Variants in ALX4 observed in about 807,000 individuals in gnomAD.
The protein encoded by ALX4 is ALX homeobox 4, also known as homeobox protein aristaless-like 4.
Under a neutral mutation model 40.6 loss-of-function variants are expected in ALX4, and 22 were observed. That is an observed-to-expected ratio of 0.54 (90% CI 0.39 to 0.77). The LOEUF (loss-of-function observed/expected upper bound fraction) is 0.77, where lower values mean the gene tolerates loss of function less well. Among genes scored for constraint, ALX4 ranks in the 30% least tolerant of loss-of-function variants. The pLI is 0.00. For missense variants in ALX4, 556 were observed against 564.8 expected (o/e 0.98, Z 0.16); for synonymous variants, 266 against 240.5 (o/e 1.11, Z -0.98).
chr11:44,282,551 A>T (rs72907814), intron 1 of ALX4, among the ~76,000 whole-genome samples: 9,945 of 152,298 alleles, frequency 0.065, 443 homozygotes, highest in Non-Finnish European at 0.098. Context: ...TCTATTCAGA[A>T]TCACCCCGAA....
At chr11:44,308,881 A>G (rs1324186624) in intron 1 of ALX4, among the ~76,000 whole-genome samples, 3 of 152,228 alleles carry the variant, frequency 2.0e-5, no homozygotes, top group Non-Finnish European at 4.4e-5. Flanking sequence ...CCGAGGGAGA[A>G]GCTCCAGGGG....
At chr11:44,298,315 GGTGTGC>G (rs1956415399) in intron 1 of ALX4, among the ~76,000 whole-genome samples, 1 of 152,160 alleles carries the variant, frequency 6.6e-6, no homozygotes, top group Non-Finnish European at 1.5e-5. Flanking sequence ...CGGAATCATG[GGTGTGC>G]TGGGAAGAGC....
chr11:44,265,190 G>A lies in ALX4; in HGVS notation c.907-7C>T, dbSNP rs1369622591. ...GCCAGGACGGGTTCTGAATCTGGGA[G>A]AGGAAGGGAGAGATGTCACCGGCTG... On this transcript the variant is annotated splice_region_variant and splice_polypyrimidine_tract_variant and intron_variant, in intron 3 of 3. Coordinates refer to ENST00000652299, the MANE Select transcript of ALX4 (RefSeq NM_021926.4). The A allele has an allele frequency of 6.3e-7, 1 of 1,595,238 alleles. No homozygotes were observed. The highest frequency in any genetic ancestry group is 8.6e-7 in the Non-Finnish European group (1 of 1,169,526).
At chr11:44,299,429 C>T (rs560783581) in intron 1 of ALX4, among the ~76,000 whole-genome samples, 4 of 142,514 alleles carry the variant, frequency 2.8e-5, no homozygotes, top group African/African-American at 7.9e-5. Context: ...GGCAGGATCT[C>T]GGCTCACTGC....
Position 44,264,639 on chromosome 11 carries a change from A to T in ALX4, c.*215T>A. On this transcript the variant is annotated 3_prime_UTR_variant, in exon 4 of 4. Coordinates refer to ENST00000652299, the MANE Select transcript of ALX4 (RefSeq NM_021926.4). ...CTGCCTGTGGCCGGGAGCAGGGGTC[A>T]GGGCCTCAGTGCCAGGGAGGGGCCA... The T allele has an allele frequency of 1.6e-6, 1 of 606,088 alleles. No individual in the cohort carries two copies. The highest frequency in any genetic ancestry group is 2.9e-6 in the Non-Finnish European group (1 of 344,666). 37.5% of individuals were successfully genotyped at this position (606,088 alleles called of 1,614,324 possible).
At chr11:44,290,347 C>T (rs1234185941) in intron 1 of ALX4, among the ~76,000 whole-genome samples, 3 of 152,352 alleles carry the variant, frequency 2.0e-5, no homozygotes, top group African/African-American at 7.2e-5. Context: ...GGGCTTGGCC[C>T]CTGGCTCTGC....
chr11:44,265,508 C>T (rs1237400825), intron 3 of ALX4, among the ~76,000 whole-genome samples: 3 of 152,142 alleles, frequency 2.0e-5, no homozygotes, highest in South Asian at 2.1e-4. Context: ...GTAGACTTGG[C>T]CTCCATCTGC....
In ALX4 at chr11:44,276,646, C is replaced by T. The variant is rs557609461; in HGVS notation, c.467-988G>A. Among the ~76,000 whole-genome samples the T allele has an allele frequency of 7.2e-5, 11 of 152,342 alleles. No individual in the cohort carries two copies. In the Middle Eastern group the frequency reaches 0.017, roughly 236 times the overall value. ...CCTCCTGGCAGAGGGTTTGGGACAACAGTCCCTACCTTTTTGGCACCAGGG... is the reference window on the plus strand; with the variant it reads ...CCTCCTGGCAGAGGGTTTGGGACAATAGTCCCTACCTTTTTGGCACCAGGG... On this transcript the variant is annotated intron_variant, in intron 1 of 3. Coordinates refer to ENST00000652299, the MANE Select transcript of ALX4 (RefSeq NM_021926.4).
intron 1 of ALX4, among the ~76,000 whole-genome samples, chr11:44,301,752 C>T (rs1169375133): frequency 6.6e-6 from 1 of 152,192 alleles, no homozygotes; most frequent in Non-Finnish European, 1.5e-5. Context: ...GGTTCCTGCC[C>T]TCCTACTAAC....
intron 1 of ALX4, among the ~76,000 whole-genome samples, chr11:44,280,532 G>T (rs374071470): frequency 2.0e-5 from 3 of 152,184 alleles, no homozygotes; most frequent in Non-Finnish European, 4.4e-5. Flanking sequence ...TTGTGGACCC[G>T]GAAAGGCTCT....
intron 1 of ALX4, among the ~76,000 whole-genome samples, chr11:44,292,578 T>C (rs868465145): frequency 3.3e-5 from 5 of 152,078 alleles, no homozygotes; most frequent in Non-Finnish European, 7.4e-5. Flanking sequence ...TGGGAAAGAT[T>C]CTTCAATATT....
chr11:44,309,368 C>G (rs1956491523), intron 1 of ALX4, among the ~76,000 whole-genome samples: 1 of 152,232 alleles, frequency 6.6e-6, no homozygotes, highest in Non-Finnish European at 1.5e-5. Flanking sequence ...AAAACAAACT[C>G]CAAGTCGAGT....
intron 1 of ALX4, among the ~76,000 whole-genome samples, chr11:44,299,664 G>A (rs530589373): frequency 5.3e-5 from 8 of 152,106 alleles, no homozygotes; most frequent in Non-Finnish European, 1.0e-4. Flanking sequence ...CGTGCCCTGG[G>A]GGCCATGTTT....
chr11:44,308,640 C>A (rs564644783), intron 1 of ALX4, among the ~76,000 whole-genome samples: 1 of 152,372 alleles, frequency 6.6e-6, no homozygotes, highest in East Asian at 1.9e-4. Flanking sequence ...CTCTCTCTCC[C>A]GGGCAATGGT....
intron 1 of ALX4, among the ~76,000 whole-genome samples, chr11:44,302,609 T>C (rs1268407279): frequency 6.6e-6 from 1 of 152,056 alleles, no homozygotes; most frequent in Non-Finnish European, 1.5e-5. Flanking sequence ...GGAAGATGAG[T>C]GGACACAGGG....
intron 1 of ALX4, among the ~76,000 whole-genome samples, chr11:44,291,016 C>T (rs34822090): frequency 0.17 from 26,397 of 152,174 alleles, 2,932 homozygotes; most frequent in Admixed American, 0.29. Flanking sequence ...CCCCCACCTG[C>T]TTCCTTCCCC....
chr11:44,285,026 G>A (rs1353370295), intron 1 of ALX4, among the ~76,000 whole-genome samples: 2 of 151,908 alleles, frequency 1.3e-5, no homozygotes, highest in Non-Finnish European at 2.9e-5. Context: ...GTGCAGTGGT[G>A]CACTCTTGGC....
intron 1 of ALX4, among the ~76,000 whole-genome samples, chr11:44,292,597 A>G (rs2119856522): frequency 6.6e-6 from 1 of 152,206 alleles, no homozygotes; most frequent in East Asian, 1.9e-4. Context: ...TTTGCTTTTT[A>G]AAAAATCCAC....
In ALX4 at chr11:44,262,824, C is replaced by T. The variant is rs886048296; in HGVS notation, c.*2030G>A. On this transcript the variant is annotated 3_prime_UTR_variant, in exon 4 of 4. Transcript: ENST00000652299. ...AAACTGTTCCCAGCCTTAAGTTCTT[C>T]CTTTCCCTGGCTAGATTTTGGGGGA... The T allele has an allele frequency of 2.6e-5, 4 of 152,148 alleles. No homozygotes were observed. The highest frequency in any genetic ancestry group is 3.9e-4 in the East Asian group (2 of 5,192). The allele number at this position is 152,148 out of a possible 1,614,324, so 9.4% of individuals were successfully genotyped here.
Sources: gnomAD v4.1 joint callset for allele counts (sites outside exome capture counted in the v4.1 genomes callset) on GRCh38, gnomAD v4.1.1 for gene constraint, MANE v1.5 for transcripts, NCBI Gene and HGNC (gene_info 2026-07-23, HGNC 2026-07-21) for gene names.